TRIML2: variants seen among roughly 807,000 people sequenced by gnomAD.
TRIML2 encodes tripartite motif family like 2.
TRIML2 carries 28 observed loss-of-function variants against 31.2 expected under a neutral mutation model. The observed-to-expected ratio is 0.90, with a 90% confidence interval of 0.66 to 1.23. The LOEUF (loss-of-function observed/expected upper bound fraction) is 1.23. Among genes scored for constraint, TRIML2 ranks in the 50% most tolerant of loss-of-function variants. The probability of loss-of-function intolerance (pLI) is 0.00; values close to 1 mark genes in which losing one functional copy is unlikely to be tolerated. For missense variants in TRIML2, 536 were observed against 528.3 expected, an observed-to-expected ratio of 1.01 and a Z score of -0.14; for synonymous variants, 187 against 197.5, an observed-to-expected ratio of 0.95 and a Z score of 0.45.
At chr4:188,104,717 C>T in intron 3 of TRIML2, 120 bp downstream of exon 3, 1 of 848,578 alleles carries the variant, frequency 1.2e-6, no homozygotes, top group Non-Finnish European at 1.9e-6. Flanking sequence ...CTTTTCCTTC[C>T]TATAGATTTC....
At chr4:188,092,967 T>A (rs1271030568) in intron 7 of TRIML2, 1 of 436,074 alleles carries the variant, frequency 2.3e-6, no homozygotes, top group South Asian at 1.6e-5. Flanking sequence ...CAGGTAACTG[T>A]GCATAGCTTC....
intron 7 of TRIML2, among the ~76,000 whole-genome samples, chr4:188,095,652 G>T (rs1733473571): frequency 6.6e-6 from 1 of 152,088 alleles, no homozygotes; most frequent in Non-Finnish European, 1.5e-5. Context: ...GCACGTTATT[G>T]GTGGGAAGGC....
Position 188,091,817 on chromosome 4 carries a change from A to T in TRIML2, c.870T>A (p.Ser290Arg), listed in dbSNP as rs1292037090. ...GAGNPERLDFSAMVLAAESFT... is the reference protein window; with the variant it reads ...GAGNPERLDFRAMVLAAESFT... ...AGCTCTCCGCAGCCAGCACCATGGCACTGAAATCCAATCTTTCTGGGTTGC... is the reference window on the plus strand; with the variant it reads ...AGCTCTCCGCAGCCAGCACCATGGCTCTGAAATCCAATCTTTCTGGGTTGC... Residue 290 changes from serine to arginine, a missense_variant, in exon 8 of 8, where the codon AGT becomes AGA. By Grantham distance (110) the Ser-to-Arg change is moderately radical. Coordinates refer to ENST00000682553, the MANE Select transcript of TRIML2 (RefSeq NM_173553.4). 1 of 1,614,166 alleles carries T rather than the reference A, an allele frequency of 6.2e-7. No individual in the cohort carries two copies. Among genetic ancestry groups the T allele is most frequent in the Non-Finnish European group, 8.5e-7 (1 of 1,180,046 alleles).
chr4:188,101,156 T>C lies in TRIML2; in HGVS notation c.380A>G (p.Gln127Arg). Residue 127 changes from glutamine to arginine, a missense_variant, in exon 4 of 8, where the codon CAG becomes CGG. Gln to Arg is a conservative substitution (Grantham distance 43). Coordinates refer to ENST00000682553, the MANE Select transcript of TRIML2 (RefSeq NM_173553.4). The part of the protein sequence containing the change: ...NEECEQNLQR[Q>R]QECISDLNLR... ...GTTCAAGTCAGATATGCATTCCTGC[T>C]GTCTCTGGAGATTCTGCTCACACTC... The C allele has an allele frequency of 1.9e-6, 3 of 1,613,948 alleles. No homozygotes were observed. Among genetic ancestry groups the C allele is most frequent in the Non-Finnish European group, 1.7e-6 (2 of 1,179,982 alleles).
chr4:188,104,721 A>G (rs889014044), intron 3 of TRIML2, 116 bp downstream of exon 3: 2 of 883,106 alleles, frequency 2.3e-6, no homozygotes, highest in Non-Finnish European at 3.6e-6. Flanking sequence ...TCCTTCCTAT[A>G]GATTTCACAT....
chr4:188,105,396 G>A lies in TRIML2; in HGVS notation c.-28C>T. ...TGGTAGGGGTCCCTAGTTGAAGACT[G>A]GACTGTATGCTTCTACTGAGGTATC... On this transcript the variant is annotated 5_prime_UTR_variant, in exon 2 of 8. Coordinates refer to ENST00000682553, the MANE Select transcript of TRIML2 (RefSeq NM_173553.4). 6.6e-7 allele frequency: 1 copy of A among 1,511,278 alleles called. No individual in the cohort carries two copies. Among genetic ancestry groups the A allele is most frequent in the Non-Finnish European group, 8.9e-7 (1 of 1,119,384 alleles). The allele number at this position is 1,511,278 out of a possible 1,614,324, so 93.6% of individuals were successfully genotyped here.
chr4:188,107,516 T>C (rs375078931), intron 1 of TRIML2, among the ~76,000 whole-genome samples: 1 of 152,180 alleles, frequency 6.6e-6, no homozygotes, highest in Non-Finnish European at 1.5e-5. Flanking sequence ...AATGCATCCA[T>C]AATTTTGATA....
intron 4 of TRIML2, among the ~76,000 whole-genome samples, chr4:188,099,479 G>A (rs78668658): frequency 0.11 from 17,287 of 151,352 alleles, 1,612 homozygotes; most frequent in East Asian, 0.51. Context: ...CAGGAGAATC[G>A]CTTGAACCTG....
rs79062428 is a variant in TRIML2 at position 188,105,519 on chromosome 4, A to G, written c.-151T>C. On this transcript the variant is annotated 5_prime_UTR_variant, in exon 2 of 8. Coordinates refer to ENST00000682553, the MANE Select transcript of TRIML2 (RefSeq NM_173553.4). ...TCAGAGTCCACGAAGATCCAAGGAA[A>G]TAAGTCCACGCAGACAGAGCGGGTC... The G allele has an allele frequency of 0.096, 51,920 of 538,632 alleles. 6,395 individuals are homozygous for G. The highest frequency in any genetic ancestry group is 0.53 in the East Asian group (18,664 of 35,442). 33.4% of individuals were successfully genotyped at this position (538,632 alleles called of 1,614,324 possible).
intron 3 of TRIML2, among the ~76,000 whole-genome samples, chr4:188,101,720 A>G (rs1250276493): frequency 6.6e-5 from 10 of 151,912 alleles, no homozygotes; most frequent in Admixed American, 4.6e-4. Flanking sequence ...AAAAAAGACG[A>G]GGAAATGTAA....
intron 2 of TRIML2, 124 bp from the exon 3 acceptor site, chr4:188,105,056 C>T (rs1733968256): frequency 7.1e-7 from 1 of 1,413,924 alleles, no homozygotes; most frequent in Admixed American, 1.8e-5. Flanking sequence ...GTTCAACGAA[C>T]TTATCTAATA....
chr4:188,095,803 A>G (rs867319001), intron 7 of TRIML2, among the ~76,000 whole-genome samples: 2 of 152,196 alleles, frequency 1.3e-5, no homozygotes, highest in Non-Finnish European at 2.9e-5. Flanking sequence ...TGTCCGTAGA[A>G]TTGCAAAAGG....
rs191226255 is a variant in TRIML2, at chr4:188,091,963, G to A, written c.746-22C>T. ...TGTCCTATCAGGAGAGAAAACCCTC[G>A]TTAACCTAGGAGTTCACCAATGCCA... On this transcript the variant is annotated intron_variant, in intron 7 of 7. Coordinates refer to ENST00000682553, the MANE Select transcript of TRIML2 (RefSeq NM_173553.4). The A allele has an allele frequency of 4.3e-4, 691 of 1,590,198 alleles. 3 individuals carry two copies. In the East Asian group the frequency reaches 5.8e-3, roughly 13 times the overall value.
chr4:188,097,060 C>T lies in TRIML2; in HGVS notation c.745+1G>A, dbSNP rs750490339. 11 of 1,606,106 alleles carry T rather than the reference C, an allele frequency of 6.8e-6. No homozygotes were observed. In the South Asian group the frequency reaches 1.2e-4, roughly 18 times the overall value. ...GTGAGTATTCACATGTGTCAACTTA[C>T]TCTGGAGTACTCTGAACATGCTGCT... On this transcript the variant is annotated splice_donor_variant, in intron 7 of 7. Coordinates refer to ENST00000682553, the MANE Select transcript of TRIML2 (RefSeq NM_173553.4). LOFTEE classifies it high-confidence loss of function.
intron 1 of TRIML2, chr4:188,106,856 G>T (rs62352742): frequency 3.9e-6 from 1 of 257,340 alleles, no homozygotes. Context: ...CCGCGGGTGC[G>T]GTACCACCGG....
At chr4:188,101,351 A>C in intron 3 of TRIML2, 101 bp from the exon 4 acceptor site, 1 of 628,730 alleles carries the variant, frequency 1.6e-6, no homozygotes, top group Non-Finnish European at 2.6e-6. Context: ...ATATAGATAT[A>C]TATATCTTAC....
intron 7 of TRIML2, among the ~76,000 whole-genome samples, chr4:188,093,630 C>T (rs1733362910): frequency 6.6e-6 from 1 of 152,092 alleles, no homozygotes; most frequent in African/African-American, 2.4e-5. Context: ...CCACTGCCCT[C>T]CAGCCTGAGC....
Position 188,091,659 on chromosome 4 carries a change from C to T in TRIML2, c.1028G>A (p.Gly343Glu), listed in dbSNP as rs374794826. The T allele has an allele frequency of 1.9e-6, 3 of 1,613,530 alleles. No homozygotes were observed. In the African/African-American group the frequency reaches 4.0e-5, roughly 22 times the overall value. The change falls in exon 8 of 8, where the codon GGG (glycine) becomes GAG (glutamate). Residue 343 changes from glycine (G) to glutamate (E), a missense_variant. Coordinates refer to ENST00000682553, the MANE Select transcript of TRIML2 (RefSeq NM_173553.4). ...AGTCCACTCGGTCCCCATCACCGAC[C>T]CCGTGAGCAAGACTTTCTCTCCGGA... is the stretch of plus-strand genomic sequence containing the variant. ...RASGEKVLLT[G>E]SVMGTEWTLW...
rs141580546 is a variant in TRIML2, at chr4:188,101,104, C to T, written c.432G>A (p.Ala144=). ...LNLRETLLNQ[A]IKLATELEEM... ...CCTCTAGCTCGGTGGCAAGCTTGAT[C>T]GCTTGATTCAGAAGGGTTTCTCTCA... The change falls in exon 4 of 8, where the codon GCG becomes GCA. Residue 144 remains alanine (A), a synonymous_variant. Coordinates refer to ENST00000682553, the MANE Select transcript of TRIML2 (RefSeq NM_173553.4). The T allele has an allele frequency of 9.0e-5, 146 of 1,613,302 alleles. No homozygotes were observed. The highest frequency in any genetic ancestry group is 1.2e-4 in the Non-Finnish European group (144 of 1,179,714).
Sources: allele counts gnomAD v4.1 joint callset (sites outside exome capture counted in the v4.1 genomes callset), GRCh38; gene constraint gnomAD v4.1.1; transcripts MANE v1.5; gene names NCBI Gene and HGNC (gene_info 2026-07-23, HGNC 2026-07-21).